Variants in KIAA0586 observed in about 807,000 individuals in gnomAD.
KIAA0586 encodes KIAA0586, also known as protein TALPID3.
Under a neutral mutation model 169.8 loss-of-function variants are expected in KIAA0586, and 144 were observed. The observed-to-expected ratio is 0.85, with a 90% CI of 0.74 to 0.97. KIAA0586 has a LOEUF of 0.97. Ranked by LOEUF, KIAA0586 falls within the 50% of genes least tolerant of loss-of-function variation. The pLI is 0.00. For synonymous variants in KIAA0586, 625 were observed against 612.4 expected, an observed-to-expected ratio of 1.02 and a Z score of -0.30; for missense variants, 1,854 against 1,823.0, an observed-to-expected ratio of 1.02 and a Z score of -0.31.
At chr14:58,556,128 C>A (rs1397673521), downstream of KIAA0586, among the ~76,000 whole-genome samples, 1 of 152,180 alleles carries the variant, frequency 6.6e-6, no homozygotes, top group Non-Finnish European at 1.5e-5. Context: ...TCTTTAACAT[C>A]CCACAGTTAT....
intron 29 of KIAA0586, among the ~76,000 whole-genome samples, chr14:58,518,138 T>G (rs1392527501): frequency 5.9e-5 from 9 of 152,210 alleles, no homozygotes; most frequent in Non-Finnish European, 1.2e-4. Flanking sequence ...ACTAAGTTTA[T>G]GACACTTTTG....
At chr14:58,466,569 C>CA (rs892887613) in intron 15 of KIAA0586, among the ~76,000 whole-genome samples, 40 of 146,118 alleles carry the variant, frequency 2.7e-4, no homozygotes, top group East Asian at 7.9e-4. Flanking sequence ...GACCTTGTCT[C>CA]AAAAAAAAAA....
intron 29 of KIAA0586, among the ~76,000 whole-genome samples, chr14:58,533,102 T>G (rs2046083074): frequency 6.6e-6 from 1 of 152,216 alleles, no homozygotes; most frequent in East Asian, 1.9e-4. Context: ...ACAATTTATG[T>G]AGAAATATAG....
intron 30 of KIAA0586, among the ~76,000 whole-genome samples, chr14:58,541,709 A>T (rs1304867180): frequency 6.6e-6 from 1 of 152,256 alleles, no homozygotes; most frequent in Non-Finnish European, 1.5e-5. Flanking sequence ...ATGAATTTTA[A>T]ATATTTTTAA....
the KIAA0586 span, among the ~76,000 whole-genome samples, chr14:58,557,901 C>CTTTTTTTTTTTTTTTTTTTTTT: frequency 8.9e-4 from 38 of 42,508 alleles, 9 homozygotes; most frequent in African/African-American, 1.1e-3. Context: ...CCTGAGAAAT[C>CTTTTTTTTTTTTTTTTTTTTTT]TTTTTTTTTT....
At chr14:58,474,469 G>A (rs2041454929) in intron 18 of KIAA0586, 138 bp from the exon 19 acceptor site, 1 of 550,408 alleles carries the variant, frequency 1.8e-6, no homozygotes, top group Admixed American at 3.6e-5. Context: ...TATAATTAAT[G>A]TGATACCACC....
At chr14:58,429,296 A>G (rs183771884) in intron 1 of KIAA0586, 67 bp from the exon 2 acceptor site, 2 of 918,348 alleles carry the variant, frequency 2.2e-6, no homozygotes, top group East Asian at 2.4e-5. Flanking sequence ...TGAATCATGC[A>G]TATACAGTTT....
At chr14:58,546,363 A>G (rs1455108172) in intron 30 of KIAA0586, among the ~76,000 whole-genome samples, 2 of 152,176 alleles carry the variant, frequency 1.3e-5, no homozygotes, top group Non-Finnish European at 2.9e-5. Flanking sequence ...GACAGCTATG[A>G]TTGAGACATC....
At chr14:58,520,353 A>G (rs1356051009) in intron 29 of KIAA0586, among the ~76,000 whole-genome samples, 2 of 151,750 alleles carry the variant, frequency 1.3e-5, no homozygotes, top group Non-Finnish European at 2.9e-5. Flanking sequence ...TTTCCATTCT[A>G]CCCTCCCCAA....
At chr14:58,470,545 A>G in intron 16 of KIAA0586, 68 bp from the exon 17 acceptor site, 3 of 898,338 alleles carry the variant, frequency 3.3e-6, no homozygotes, top group Non-Finnish European at 5.4e-6. Context: ...ACATGTATAT[A>G]CACATACTCA....
At chr14:58,522,297 T>C (rs1411445967) in intron 29 of KIAA0586, among the ~76,000 whole-genome samples, 1 of 152,248 alleles carries the variant, frequency 6.6e-6, no homozygotes, top group East Asian at 1.9e-4. Context: ...AAATAATCTT[T>C]TGTTATGCAG....
At chr14:58,480,136 T>C (rs1325232141) in intron 20 of KIAA0586, among the ~76,000 whole-genome samples, 2 of 152,114 alleles carry the variant, frequency 1.3e-5, no homozygotes, top group African/African-American at 2.4e-5. Context: ...ATTACCTACT[T>C]CCTCTTTGGT....
chr14:58,508,441 C>A (rs2044154354), intron 27 of KIAA0586, 114 bp from the exon 28 acceptor site: 3 of 792,332 alleles, frequency 3.8e-6, no homozygotes, highest in South Asian at 3.7e-5. Flanking sequence ...AAGTACACTG[C>A]TAGTTCTAAT....
intron 21 of KIAA0586, 86 bp from the exon 22 acceptor site, chr14:58,486,921 T>C (rs2042486827): frequency 3.9e-6 from 4 of 1,034,794 alleles, no homozygotes; most frequent in South Asian, 1.9e-5. Flanking sequence ...AAATTATATA[T>C]AGTCTATGAA....
intron 27 of KIAA0586, among the ~76,000 whole-genome samples, chr14:58,508,024 T>G (rs899881226): frequency 6.6e-6 from 1 of 151,946 alleles, no homozygotes; most frequent in Non-Finnish European, 1.5e-5. Flanking sequence ...ACCTTAGGCA[T>G]CCACCCACCT....
At chr14:58,503,806 A>G (rs1003299661) in intron 27 of KIAA0586, among the ~76,000 whole-genome samples, 1 of 151,038 alleles carries the variant, frequency 6.6e-6, no homozygotes, top group African/African-American at 2.5e-5. Flanking sequence ...ACAGGGGACA[A>G]AGGCAAAAAA....
At chr14:58,543,179 A>AT (rs1414540817) in intron 30 of KIAA0586, among the ~76,000 whole-genome samples, 7 of 150,538 alleles carry the variant, frequency 4.6e-5, no homozygotes, top group African/African-American at 1.5e-4. Context: ...TGGTACTCAT[A>AT]TTTTTTTTAT....
At chr14:58,509,276 G>A (rs181411842) in intron 28 of KIAA0586, among the ~76,000 whole-genome samples, 12 of 152,124 alleles carry the variant, frequency 7.9e-5, no homozygotes, top group African/African-American at 2.4e-4. Context: ...GTAAGGTAGC[G>A]ATTTCATTTA....
At position 58,430,716 on chromosome 14, in the gene KIAA0586, AG is replaced by A. The variant is rs1413886182; in HGVS notation, c.340+1del. 1 of 1,557,552 alleles carries A rather than the reference AG, an allele frequency of 6.4e-7. No homozygotes were observed. Among genetic ancestry groups the A allele is most frequent in the Non-Finnish European group, 8.8e-7 (1 of 1,133,830 alleles). On this transcript the variant is annotated frameshift_variant and splice_region_variant, in exon 3 of 31. Transcript: ENST00000652326. LOFTEE classifies it high-confidence loss of function. ...AAATAGAAGAGAACAACAAGCAAAA[AG>A]GTAAAAGAATAATATTGATTTTTTT... ...DKIEENNKQK[A>X]NDIFISQYTM... is the part of the protein sequence containing the mutation.
Sources: gnomAD v4.1 joint callset for allele counts (sites outside exome capture counted in the v4.1 genomes callset) on GRCh38, gnomAD v4.1.1 for gene constraint, MANE v1.5 for transcripts, NCBI Gene and HGNC (gene_info 2026-07-23, HGNC 2026-07-21) for gene names.